The following HTR3C variants were observed in gnomAD, a reference collection of about 807,000 sequenced individuals.
HTR3C encodes 5-HT3-C.
HTR3C carries 32 observed loss-of-function variants against 40.5 expected under a neutral mutation model. The ratio of observed to expected loss-of-function variants is 0.79; its 90% confidence interval spans 0.60 to 1.06. HTR3C has a LOEUF of 1.06. Ranked by LOEUF, HTR3C falls within the 50% of genes least tolerant of loss-of-function variation. The pLI, the probability that HTR3C is intolerant of heterozygous loss-of-function variation, is 0.00. For missense variants in HTR3C, 523 were observed against 556.8 expected, an observed-to-expected ratio of 0.94 and a Z score of 0.61; for synonymous variants, 209 against 217.1, an observed-to-expected ratio of 0.96 and a Z score of 0.33.
At position 184,059,563 on chromosome 3, in the gene HTR3C, T is replaced by C. The variant is rs377650382; in HGVS notation, c.848T>C (p.Ile283Thr). Residue 283 changes from isoleucine to threonine, a missense_variant, in exon 7 of 9, where the codon ATA becomes ACA. By Grantham distance (89) the Ile-to-Thr change is moderately conservative. Coordinates refer to ENST00000318351, the MANE Select transcript of HTR3C (RefSeq NM_130770.3). ...AESENRAPFK[I>T]TLLLGYNVFL... is the part of the protein sequence containing the mutation. ...AGCGAGAATCGTGCCCCATTCAAGA[T>C]AACACTTCTGCTGGGCTACAACGTC... is the stretch of plus-strand genomic sequence containing the variant. 3.1e-5 allele frequency: 50 copies of C among 1,613,990 alleles called. No individual in the cohort carries two copies. The highest frequency in any genetic ancestry group is 4.1e-5 in the Non-Finnish European group (48 of 1,180,030).
At chr3:184,054,929 G>A in intron 2 of HTR3C, 42 bp downstream of exon 2, 2 of 1,559,716 alleles carry the variant, frequency 1.3e-6, no homozygotes, top group Non-Finnish European at 1.7e-6. Context: ...CTTCTAATAA[G>A]GAACGAGGAC....
In HTR3C at chr3:184,060,072, G is replaced by A. The variant is rs573032511; in HGVS notation, c.1141+29G>A. 5.5e-5 allele frequency: 89 copies of A among 1,606,548 alleles called. No homozygotes were observed. In the South Asian group the frequency reaches 6.8e-4, roughly 12 times the overall value. On this transcript the variant is annotated intron_variant, in intron 8 of 8. Transcript: ENST00000318351. ...AGGGAAGCCAGCACTGTCCATACTC[G>A]CCCTTCACACTGGGCCCAGCACTCC...
intron 5 of HTR3C, among the ~76,000 whole-genome samples, chr3:184,057,693 C>T (rs1036653097): frequency 6.6e-6 from 1 of 151,856 alleles, no homozygotes; most frequent in Non-Finnish European, 1.5e-5. Flanking sequence ...CGAGACTGCA[C>T]CACTGCACTC....
intron 4 of HTR3C, 42 bp downstream of exon 4, chr3:184,056,328 G>A (rs376425674): frequency 2.0e-5 from 27 of 1,333,102 alleles, no homozygotes; most frequent in Non-Finnish European, 2.6e-5. Flanking sequence ...AACCTCATCT[G>A]CCGAGAACAG....
intron 8 of HTR3C, 37 bp from the exon 9 acceptor site, chr3:184,060,113 T>C: frequency 6.2e-7 from 1 of 1,606,290 alleles, no homozygotes; most frequent in Non-Finnish European, 8.5e-7. Flanking sequence ...TCCTGTCCCC[T>C]TCCCACTCCA....
At chr3:184,058,718 A>G (rs1723382314) in intron 6 of HTR3C, 131 bp downstream of exon 6, 3 of 991,412 alleles carry the variant, frequency 3.0e-6, no homozygotes, top group Non-Finnish European at 4.4e-6. Flanking sequence ...TAATCCCAGT[A>G]CTTTGGGAGG....
At position 184,054,873 on chromosome 3, in the gene HTR3C, G is replaced by A. The variant is rs1330442142; in HGVS notation, c.220G>A (p.Ala74Thr). 6 of 1,606,100 alleles carry A rather than the reference G, an allele frequency of 3.7e-6. No individual in the cohort carries two copies. Among genetic ancestry groups the A allele is most frequent in the Non-Finnish European group, 5.1e-6 (6 of 1,176,434 alleles). ...TRVNISFTLS[A>T]ILGVDAQLQL... ...TGTCAACATCTCCTTCACCCTGTCT[G>A]CCATCCTGGGAGTGGTGAGACTTAG... The change falls in exon 2 of 9, where the codon GCC (alanine) becomes ACC (threonine). Residue 74 changes from alanine to threonine, a missense_variant. Transcript: ENST00000318351.
intron 5 of HTR3C, among the ~76,000 whole-genome samples, chr3:184,057,247 T>C (rs535938409): frequency 2.2e-4 from 33 of 152,250 alleles, no homozygotes; most frequent in African/African-American, 7.7e-4. Context: ...GACAAACGCT[T>C]GTGCCCAGGA....
intron 3 of HTR3C, 127 bp downstream of exon 3, chr3:184,055,483 G>A (rs1427952250): frequency 1.4e-5 from 10 of 702,920 alleles, no homozygotes; most frequent in East Asian, 2.8e-5. Flanking sequence ...GGAGGCCAAG[G>A]CAGGTGGATC....
intron 5 of HTR3C, among the ~76,000 whole-genome samples, chr3:184,058,121 C>T (rs562713200): frequency 1.6e-4 from 24 of 152,258 alleles, no homozygotes; most frequent in African/African-American, 3.4e-4. Context: ...CACCACCATA[C>T]GACTGGGGGA....
Position 184,059,929 on chromosome 3 carries a change from A to G in HTR3C, c.1027A>G (p.Met343Val). 1.2e-6 allele frequency: 2 copies of G among 1,613,636 alleles called. No homozygotes were observed. Among genetic ancestry groups the G allele is most frequent in the Non-Finnish European group, 1.7e-6 (2 of 1,179,960 alleles). Residue 343 changes from methionine to valine, a missense_variant, in exon 8 of 9, where the codon ATG becomes GTG. Physicochemically the swap from Met to Val is conservative, Grantham distance 21. Transcript: ENST00000318351. The stretch of plus-strand genomic sequence containing the variant: ...CGTGGCCACCACCCAGCCCCCACCC[A>G]TGCCTAGGTGGCTTCACTCCCTGCT... ...LHVATTQPPP[M>V]PRWLHSLLLH...
In HTR3C at chr3:184,060,456, C is replaced by T; in HGVS notation, c.*104C>T. On this transcript the variant is annotated 3_prime_UTR_variant, in exon 9 of 9. Transcript: ENST00000318351. Reference sequence around the variant, plus strand: ...CTTAGCCACTTATCCCCAGTGACTACCATGTCCCCTTCTAAATTCCAAAGA... The same window carrying T: ...CTTAGCCACTTATCCCCAGTGACTATCATGTCCCCTTCTAAATTCCAAAGA... The T allele has an allele frequency of 7.2e-7, 1 of 1,390,504 alleles. No individual in the cohort carries two copies. The allele number at this position is 1,390,504 out of a possible 1,614,324, so 86.1% of individuals were successfully genotyped here.
In HTR3C at chr3:184,056,934, T is replaced by C. The variant is rs776130576; in HGVS notation, c.449T>C (p.Ile150Thr). The C allele has an allele frequency of 5.6e-6, 9 of 1,613,686 alleles. No homozygotes were observed. Among genetic ancestry groups the C allele is most frequent in the Non-Finnish European group, 1.7e-6 (2 of 1,179,794 alleles). ...LTAYISSEGR[I>T]KYDKPMRVTS... is the part of the protein sequence containing the mutation. Reference sequence around the variant, plus strand: ...GCCTATATCAGCAGTGAAGGTCGAATTAAGTATGATAAGCCAATGAGGGTG... The same window carrying C: ...GCCTATATCAGCAGTGAAGGTCGAACTAAGTATGATAAGCCAATGAGGGTG... The change falls in exon 5 of 9, where the codon ATT (isoleucine) becomes ACT (threonine). Residue 150 changes from isoleucine to threonine, a missense_variant. Ile to Thr is a moderately conservative substitution (Grantham distance 89). Coordinates refer to ENST00000318351, the MANE Select transcript of HTR3C (RefSeq NM_130770.3).
In HTR3C at chr3:184,056,921, A is replaced by T; in HGVS notation, c.436A>T (p.Ser146Cys). The change falls in exon 5 of 9, where the codon AGT becomes TGT. Residue 146 changes from serine to cysteine, a missense_variant. Coordinates refer to ENST00000318351, the MANE Select transcript of HTR3C (RefSeq NM_130770.3). ...TTCCGGTCTCACTGCCTATATCAGCAGTGAAGGTCGAATTAAGTATGATAA... is the reference window on the plus strand; with the variant it reads ...TTCCGGTCTCACTGCCTATATCAGCTGTGAAGGTCGAATTAAGTATGATAA... Reference protein sequence around the residue: ...TPSGLTAYISSEGRIKYDKPM... With the variant: ...TPSGLTAYISCEGRIKYDKPM... 1 of 1,613,812 alleles carries T rather than the reference A, an allele frequency of 6.2e-7. No homozygotes were observed. Among genetic ancestry groups the T allele is most frequent in the South Asian group, 1.1e-5 (1 of 91,030 alleles).
In HTR3C at chr3:184,055,309, C is replaced by G; in HGVS notation, c.235-3C>G. The G allele has an allele frequency of 6.2e-7, 1 of 1,606,802 alleles. No individual in the cohort carries two copies. The highest frequency in any genetic ancestry group is 8.5e-7 in the Non-Finnish European group (1 of 1,173,294). On this transcript the variant is annotated splice_region_variant and splice_polypyrimidine_tract_variant and intron_variant, in intron 2 of 8. Transcript: ENST00000318351. The stretch of plus-strand genomic sequence containing the variant: ...TAATCCTGAGTGGAAATTTCCTTGT[C>G]AGGATGCACAGCTCCAGCTGCTGAC...
In HTR3C at chr3:184,059,539, G is replaced by A. The variant is rs746007655; in HGVS notation, c.824G>A (p.Ser275Asn). Residue 275 changes from serine (S) to asparagine (N), a missense_variant, in exon 7 of 9, where the codon AGC becomes AAC. Physicochemically the swap from Ser to Asn is conservative, Grantham distance 46. Coordinates refer to ENST00000318351, the MANE Select transcript of HTR3C (RefSeq NM_130770.3). ...DALSFYLPAESENRAPFKITL... is the reference protein window; with the variant it reads ...DALSFYLPAENENRAPFKITL... The stretch of plus-strand genomic sequence containing the variant: ...CTCAGCTTCTACCTGCCAGCAGAGA[G>A]CGAGAATCGTGCCCCATTCAAGATA... The A allele has an allele frequency of 3.4e-5, 55 of 1,614,044 alleles. No homozygotes were observed. The highest frequency in any genetic ancestry group is 4.5e-5 in the Non-Finnish European group (53 of 1,180,040).
chr3:184,060,667 C>A lies in HTR3C; in HGVS notation c.*315C>A. Reference sequence around the variant, plus strand: ...ATTGATCACCCCAATAAACAACTTTCCAGGAAGCACTGGCTCTTCAGTTTG... The same window carrying A: ...ATTGATCACCCCAATAAACAACTTTACAGGAAGCACTGGCTCTTCAGTTTG... On this transcript the variant is annotated 3_prime_UTR_variant, in exon 9 of 9. Coordinates refer to ENST00000318351, the MANE Select transcript of HTR3C (RefSeq NM_130770.3). 2.7e-6 allele frequency: 1 copy of A among 376,392 alleles called. No homozygotes were observed. Among genetic ancestry groups the A allele is most frequent in the Non-Finnish European group, 4.9e-6 (1 of 205,216 alleles). The allele number at this position is 376,392 out of a possible 1,614,324, so 23.3% of individuals were successfully genotyped here.
In HTR3C at chr3:184,056,769, TAGAA is replaced by T. The variant is rs1281152862; in HGVS notation, c.390-102_390-99del. ...CTCAAAAACAACAAAAAAATAAAAA[TAGAA>T]AGAGAAAGAGCCCAGAAGGAGAGCA... On this transcript the variant is annotated intron_variant, in intron 4 of 8. Coordinates refer to ENST00000318351, the MANE Select transcript of HTR3C (RefSeq NM_130770.3). 39 of 1,013,326 alleles carry T rather than the reference TAGAA, an allele frequency of 3.8e-5. No homozygotes were observed. The East Asian group carries it at 8.2e-4, about 21-fold the overall frequency. 62.8% of individuals were successfully genotyped at this position (1,013,326 alleles called of 1,614,324 possible).
At chr3:184,055,884 CAAAAAAAAAAAAAAAAA>C (rs71185686) in intron 3 of HTR3C, among the ~76,000 whole-genome samples, 1 of 30,704 alleles carries the variant, frequency 3.3e-5, no homozygotes, top group Non-Finnish European at 5.6e-5. Context: ...AATAGCAACT[CAAAAAAAAAAAAAAAAA>C]AAAAAAAAAA....
Sources: gnomAD v4.1 joint callset for allele counts (sites outside exome capture counted in the v4.1 genomes callset) on GRCh38, gnomAD v4.1.1 for gene constraint, MANE v1.5 for transcripts, NCBI Gene and HGNC (gene_info 2026-07-23, HGNC 2026-07-21) for gene names.